Variants in ELF1 observed in about 807,000 individuals in gnomAD.
The protein encoded by ELF1 is ETS-related transcription factor Elf-1.
ELF1 carries 24 observed loss-of-function variants against 59.9 expected under a neutral mutation model. The observed-to-expected ratio is 0.40, with a 90% CI of 0.29 to 0.56. The LOEUF is 0.56. ELF1 is among the 20% of genes least tolerant of loss of function. The probability of loss-of-function intolerance (pLI) is 0.44; values close to 1 mark genes in which losing one functional copy is unlikely to be tolerated. For missense variants in ELF1, 627 were observed against 742.2 expected, an observed-to-expected ratio of 0.84 and a Z score of 1.80; for synonymous variants, 248 against 266.2, an observed-to-expected ratio of 0.93 and a Z score of 0.67.
intron 2 of ELF1, among the ~76,000 whole-genome samples, chr13:40,969,560 T>C (rs1398372804): frequency 6.6e-6 from 1 of 152,250 alleles, no homozygotes; most frequent in Non-Finnish European, 1.5e-5. Flanking sequence ...AAGTGTTCAT[T>C]AATTATTAAA....
intron 8 of ELF1, among the ~76,000 whole-genome samples, chr13:40,934,621 T>C (rs1473408282): frequency 6.6e-6 from 1 of 152,072 alleles, no homozygotes; most frequent in Non-Finnish European, 1.5e-5. Context: ...GGGTTTTCTA[T>C]GTTGGTCAGG....
chr13:40,946,501 C>G (rs1367715779), intron 5 of ELF1, among the ~76,000 whole-genome samples: 1 of 152,142 alleles, frequency 6.6e-6, no homozygotes, highest in Non-Finnish European at 1.5e-5. Context: ...ATAAAACTGA[C>G]CCTCAAACAA....
chr13:41,016,401 T>C (rs1354838613), intron 1 of ELF1, among the ~76,000 whole-genome samples: 1 of 152,132 alleles, frequency 6.6e-6, no homozygotes, highest in Non-Finnish European at 1.5e-5. Flanking sequence ...AAAGATTTTG[T>C]ATATACCAAA....
chr13:41,030,228 ATG>A (rs1411813424), intron 1 of ELF1, among the ~76,000 whole-genome samples: 3 of 152,168 alleles, frequency 2.0e-5, no homozygotes, highest in Non-Finnish European at 4.4e-5. Context: ...AAAAAAAGGC[ATG>A]TGTGTTTCCA....
chr13:40,971,458 C>T (rs866284196), intron 2 of ELF1, among the ~76,000 whole-genome samples: 1 of 152,070 alleles, frequency 6.6e-6, no homozygotes, highest in South Asian at 2.1e-4. Context: ...CCTATGTTGC[C>T]CAGGCTAGTC....
chr13:40,983,297 G>T (rs1873382142), intron 1 of ELF1, among the ~76,000 whole-genome samples: 1 of 152,166 alleles, frequency 6.6e-6, no homozygotes, highest in Admixed American at 6.5e-5. Context: ...CCAAGGAAAG[G>T]ATGGCCAGTA....
rs1283565875 is a variant in ELF1 at position 40,941,037 on chromosome 13, G to C, written c.1140C>G (p.Thr380=). ...CTACATGAACAGTCCGGAAGAGCTG[G>C]GTAGGATATGGAGACTGCGTGGGCT... The part of the protein sequence containing the change: ...TVQPTQSPYP[T]QLFRTVHVVQ... Residue 380 remains threonine (T), a synonymous_variant, in exon 8 of 9, where the codon ACC becomes ACG. Transcript: ENST00000239882. The C allele has an allele frequency of 8.1e-6, 13 of 1,614,150 alleles. No individual in the cohort carries two copies. The highest frequency in any genetic ancestry group is 1.0e-5 in the Non-Finnish European group (12 of 1,180,026).
At chr13:41,020,447 T>C (rs140680503), upstream of ELF1, among the ~76,000 whole-genome samples, 652 of 152,348 alleles carry the variant, frequency 4.3e-3, 6 homozygotes, top group Non-Finnish European at 7.8e-3. Context: ...TGGGAGTTTA[T>C]TCTGGCTTAC....
intron 8 of ELF1, 75 bp downstream of exon 8, chr13:40,940,846 T>C (rs1450556318): frequency 2.1e-6 from 3 of 1,444,640 alleles, no homozygotes; most frequent in Non-Finnish European, 1.9e-6. Flanking sequence ...TTCTGAATCT[T>C]GACCCACTTA....
chr13:41,016,480 T>TA (rs1257046629), intron 1 of ELF1, among the ~76,000 whole-genome samples: 3 of 152,286 alleles, frequency 2.0e-5, no homozygotes, highest in African/African-American at 7.2e-5. Context: ...TACTATCTTA[T>TA]AATAAGGTCA....
rs9566643 is a variant in ELF1, at chr13:40,986,294, T to A, written c.-228-4012A>T. Among the ~76,000 whole-genome samples the A allele has an allele frequency of 2.6e-3, 401 of 152,342 alleles. 7 individuals are homozygous for A. The East Asian group carries it at 0.052, about 20-fold the overall frequency. Reference sequence around the variant, plus strand: ...GTCCCCTCTTTCCATAAAATAGGTGTCAGTCTCAAGTCTCTTCCTTCTGTA... The same window carrying A: ...GTCCCCTCTTTCCATAAAATAGGTGACAGTCTCAAGTCTCTTCCTTCTGTA... On this transcript the variant is annotated intron_variant, in intron 1 of 8. Transcript: ENST00000239882.
At chr13:41,002,619 A>AT (rs1874525849) in intron 1 of ELF1, among the ~76,000 whole-genome samples, 1 of 151,718 alleles carries the variant, frequency 6.6e-6, no homozygotes, top group African/African-American at 2.4e-5. Context: ...CCCATCTCAA[A>AT]AAAATAAATA....
chr13:41,016,914 CAAAAAAAAAAAAA>C (rs1164306892), intron 1 of ELF1, among the ~76,000 whole-genome samples: 318 of 12,908 alleles, frequency 0.025, 20 homozygotes, highest in African/African-American at 0.069. Flanking sequence ...AACTCCGTCT[CAAAAAAAAAAAAA>C]AAAAAAAAAA....
At chr13:40,987,746 GTCTGTT>G (rs1873636197) in intron 1 of ELF1, among the ~76,000 whole-genome samples, 1 of 152,140 alleles carries the variant, frequency 6.6e-6, no homozygotes. Flanking sequence ...TTCAGACTGT[GTCTGTT>G]TATGTACATA....
intron 1 of ELF1, among the ~76,000 whole-genome samples, 176 bp from the exon 2 acceptor site, chr13:40,982,458 A>C (rs1185554737): frequency 6.6e-6 from 1 of 151,838 alleles, no homozygotes; most frequent in Admixed American, 6.6e-5. Context: ...TTATTTGAAC[A>C]GTTTGCTCCT....
rs776064185 is a variant in ELF1 at position 40,934,054 on chromosome 13, A to G, written c.1257-26T>C. 12 of 1,584,266 alleles carry G rather than the reference A, an allele frequency of 7.6e-6. No individual in the cohort carries two copies. The African/African-American group carries it at 1.2e-4, about 16-fold the overall frequency. On this transcript the variant is annotated intron_variant, in intron 8 of 8. Coordinates refer to ENST00000239882, the MANE Select transcript of ELF1 (RefSeq NM_172373.4). ...CTATTGAGATGATGAAATTAAAGTG[A>G]GACAATTAGCATATTCTACATCATT... is the stretch of plus-strand genomic sequence containing the variant.
At chr13:40,935,822 G>A (rs769074700) in intron 8 of ELF1, among the ~76,000 whole-genome samples, 7 of 151,890 alleles carry the variant, frequency 4.6e-5, no homozygotes, top group South Asian at 2.1e-4. Context: ...ATAGGCACCC[G>A]CCACCATGCC....
intron 1 of ELF1, among the ~76,000 whole-genome samples, chr13:41,045,338 A>T (rs1452677838): frequency 2.7e-5 from 4 of 150,910 alleles, no homozygotes. Context: ...CTAGCTTTTG[A>T]ATTTGTTTGC....
chr13:40,981,388 T>TTA (rs1349315263), intron 2 of ELF1, among the ~76,000 whole-genome samples: 1 of 152,064 alleles, frequency 6.6e-6, no homozygotes, highest in East Asian at 1.9e-4. Context: ...CTTAGATCCT[T>TTA]TACTCAGTAT....
Sources: gnomAD v4.1 joint callset for allele counts (sites outside exome capture counted in the v4.1 genomes callset) on GRCh38, gnomAD v4.1.1 for gene constraint, MANE v1.5 for transcripts, NCBI Gene and HGNC (gene_info 2026-07-23, HGNC 2026-07-21) for gene names.